Variants in TEX2 observed in about 807,000 individuals in gnomAD.
The protein encoded by TEX2 is testis expressed 2, also known as testis-expressed protein 2.
Under a neutral mutation model 106.9 loss-of-function variants are expected in TEX2, and 53 were observed. The observed-to-expected ratio is 0.50, with a 90% CI of 0.40 to 0.62. The LOEUF (loss-of-function observed/expected upper bound fraction) is 0.62. Ranked by LOEUF, TEX2 falls within the 20% of genes least tolerant of loss-of-function variation. TEX2 has a pLI of 0.00. For missense variants in TEX2, 1,207 were observed against 1,379.0 expected, an observed-to-expected ratio of 0.88 and a Z score of 1.98; for synonymous variants, 523 against 534.8, an observed-to-expected ratio of 0.98 and a Z score of 0.30.
At chr17:64,206,876 A>T (rs138594585) in intron 2 of TEX2, among the ~76,000 whole-genome samples, 106 of 152,034 alleles carry the variant, frequency 7.0e-4, no homozygotes, top group African/African-American at 2.5e-3. Flanking sequence ...TTTTTTACTT[A>T]TATTCTAGAC....
Position 64,201,311 on chromosome 17 carries a change from C to T in TEX2, c.1645-6216G>A, listed in dbSNP as rs112262408. 2.0e-3 allele frequency among the ~76,000 whole-genome samples: 312 copies of T among 152,284 alleles called. 1 individual carries two copies. The highest frequency in any genetic ancestry group is 7.3e-3 in the African/African-American group (302 of 41,548). ...ATGCCTCCCTGGCCCCTACACCTCA[C>T]CCTCTGTTCAAGCCATAGTGATTTT... On this transcript the variant is annotated intron_variant, in intron 2 of 11. Coordinates refer to ENST00000584379, the MANE Select transcript of TEX2 (RefSeq NM_001288732.2).
At chr17:64,199,409 G>A (rs568851182) in intron 2 of TEX2, among the ~76,000 whole-genome samples, 4 of 152,008 alleles carry the variant, frequency 2.6e-5, no homozygotes, top group South Asian at 2.1e-4. Flanking sequence ...GCTAATTTTC[G>A]TATTTTTAGT....
At chr17:64,155,219 G>A (rs536493850) in intron 8 of TEX2, 6 of 372,440 alleles carry the variant, frequency 1.6e-5, no homozygotes, top group African/African-American at 1.2e-4. Context: ...CTTGGACCCA[G>A]AAGAGGTTGC....
In TEX2 at chr17:64,213,089, T is replaced by C; in HGVS notation, c.1129A>G (p.Thr377Ala). The change falls in exon 2 of 12, where the codon ACA becomes GCA. Residue 377 changes from threonine to alanine, a missense_variant. By Grantham distance (58) the Thr-to-Ala change is moderately conservative. Transcript: ENST00000584379. The surrounding 1 kb of genome is among the most constrained non-coding windows in gnomAD (Gnocchi z 4.4). ...GAACTTTTCAGTTCTATCTCTCTTG[T>C]GGGCTCACCAGTGGACTTTGGGTGG... ...SDHPKSTGEPTREIELKSSQG... is the reference protein window; with the variant it reads ...SDHPKSTGEPAREIELKSSQG... 2 of 1,614,218 alleles carry C rather than the reference T, an allele frequency of 1.2e-6. No individual in the cohort carries two copies. The highest frequency in any genetic ancestry group is 1.1e-5 in the South Asian group (1 of 91,082).
chr17:64,239,904 A>AAAAAAAG lies in TEX2; in HGVS notation c.-26+23263_-26+23264insCTTTTTT, dbSNP rs781859721. Among the ~76,000 whole-genome samples, 23 of 118,848 alleles carry AAAAAAAG rather than the reference A, an allele frequency of 1.9e-4. 2 individuals carry two copies. Among genetic ancestry groups the AAAAAAAG allele is most frequent in the African/African-American group, 4.2e-4 (13 of 31,224 alleles). The allele number at this position is 118,848 out of a possible 152,430, so 78.0% of individuals were successfully genotyped here. The stretch of plus-strand genomic sequence containing the variant: ...AAAAAAAAAAAAAAAAAAAAAAAAA[A>AAAAAAAG]GCAGAGAAGATAAGAGAAGAGAAAT... On this transcript the variant is annotated intron_variant, in intron 1 of 11. Coordinates refer to ENST00000584379, the MANE Select transcript of TEX2 (RefSeq NM_001288732.2).
At chr17:64,235,463 C>CATCATG (rs1248059977) in intron 1 of TEX2, among the ~76,000 whole-genome samples, 1 of 152,210 alleles carries the variant, frequency 6.6e-6, no homozygotes, top group African/African-American at 2.4e-5. Flanking sequence ...ACCCTATCTA[C>CATCATG]CCAGGGGGAA....
intron 1 of TEX2, among the ~76,000 whole-genome samples, chr17:64,262,544 G>A (rs1332633807): frequency 6.6e-6 from 1 of 152,188 alleles, no homozygotes; most frequent in Non-Finnish European, 1.5e-5. Context: ...CAGCGACGGC[G>A]TCCACGGCCA....
chr17:64,177,818 G>T (rs1387696240), intron 5 of TEX2, among the ~76,000 whole-genome samples: 1 of 152,178 alleles, frequency 6.6e-6, no homozygotes, highest in African/African-American at 2.4e-5. Flanking sequence ...TAAAATGCCT[G>T]CCCATCTTTC....
intron 10 of TEX2, among the ~76,000 whole-genome samples, chr17:64,152,154 T>C (rs1205114686): frequency 3.9e-5 from 6 of 152,186 alleles, no homozygotes; most frequent in Admixed American, 6.5e-5. Flanking sequence ...TTGTTATGAG[T>C]GTAGTTTATG....
chr17:64,149,967 A>T (rs2030269751), intron 11 of TEX2: 1 of 151,580 alleles, frequency 6.6e-6, no homozygotes, highest in African/African-American at 2.4e-5. Flanking sequence ...AAAAGGCATG[A>T]TGTTCTTTCC....
chr17:64,245,293 C>A (rs1008233544), intron 1 of TEX2, among the ~76,000 whole-genome samples: 5 of 152,118 alleles, frequency 3.3e-5, no homozygotes, highest in Non-Finnish European at 5.9e-5. Context: ...AGAAAATATA[C>A]CATTGTGAAA....
intron 6 of TEX2, among the ~76,000 whole-genome samples, 165 bp downstream of exon 6, chr17:64,177,160 T>C (rs903454521): frequency 3.3e-5 from 5 of 152,212 alleles, no homozygotes; most frequent in African/African-American, 9.7e-5. Flanking sequence ...CAATTAATCA[T>C]AAGGTCAGTC....
Position 64,214,053 on chromosome 17 carries a change from G to A in TEX2, c.165C>T (p.Tyr55=), listed in dbSNP as rs1378520243. 3 of 1,614,022 alleles carry A rather than the reference G, an allele frequency of 1.9e-6. No homozygotes were observed. The highest frequency in any genetic ancestry group is 2.5e-6 in the Non-Finnish European group (3 of 1,180,012). Residue 55 remains tyrosine, a synonymous_variant, in exon 2 of 12, where the codon TAC becomes TAT. Transcript: ENST00000584379. ...EEEEEEEFRE[Y]FEEGLDDQSI... is the part of the protein sequence containing the mutation. ...TTTGGTCATCCAGCCCCTCCTCAAA[G>A]TACTCCCTGAACTCCTCCTCCTCTT... is the stretch of plus-strand genomic sequence containing the variant.
At chr17:64,156,660 G>A (rs950943874) in intron 8 of TEX2, among the ~76,000 whole-genome samples, 2 of 152,198 alleles carry the variant, frequency 1.3e-5, no homozygotes, top group Non-Finnish European at 1.5e-5. Flanking sequence ...AAGATCACAC[G>A]CCCCTCTCAG....
Position 64,154,892 on chromosome 17 carries a change from A to G in TEX2, c.2880T>C (p.Asp960=). The G allele has an allele frequency of 6.2e-7, 1 of 1,609,492 alleles. No individual in the cohort carries two copies. The highest frequency in any genetic ancestry group is 8.5e-7 in the Non-Finnish European group (1 of 1,178,526). ...SSSAGSSEED[D]APEPSGGDKQ... is the part of the protein sequence containing the mutation. The stretch of plus-strand genomic sequence containing the variant: ...TGTCTCCCCCGCTGGGCTCTGGGGC[A>G]TCGTCTTCCTCGGAGGAGCCAGCGC... Residue 960 remains aspartate (D), a synonymous_variant, in exon 9 of 12, where the codon GAT becomes GAC. Transcript: ENST00000584379.
intron 5 of TEX2, among the ~76,000 whole-genome samples, chr17:64,181,472 CAAAAAAAAA>C (rs759988777): frequency 1.2e-4 from 3 of 25,390 alleles, no homozygotes; most frequent in Non-Finnish European, 2.0e-4. Context: ...AAGGCTATCT[CAAAAAAAAA>C]AAAAAAAAAA....
At chr17:64,212,507 G>T in intron 2 of TEX2, 67 bp downstream of exon 2, 1 of 1,425,298 alleles carries the variant, frequency 7.0e-7, no homozygotes, top group Non-Finnish European at 9.6e-7. Flanking sequence ...CAAAAAACAA[G>T]TCAGATCTAA....
Position 64,212,618 on chromosome 17 carries a change from A to C in TEX2, c.1600T>G (p.Trp534Gly), listed in dbSNP as rs375219525. 1 of 1,614,158 alleles carries C rather than the reference A, an allele frequency of 6.2e-7. No homozygotes were observed. The highest frequency in any genetic ancestry group is 8.5e-7 in the Non-Finnish European group (1 of 1,180,016). ...YHKLHKNLRHWNTRSLDIKEP... is the reference protein window; with the variant it reads ...YHKLHKNLRHGNTRSLDIKEP... ...TTGATATCCAGAGATCTTGTGTTCC[A>C]GTGTCGCAGATTTTTGTGTAACTTG... Residue 534 changes from tryptophan to glycine, a missense_variant, in exon 2 of 12, where the codon TGG becomes GGG. Trp to Gly is a radical substitution (Grantham distance 184). Coordinates refer to ENST00000584379, the MANE Select transcript of TEX2 (RefSeq NM_001288732.2).
chr17:64,250,101 C>T (rs1598228597), intron 1 of TEX2, among the ~76,000 whole-genome samples: 1 of 152,356 alleles, frequency 6.6e-6, no homozygotes, highest in Admixed American at 6.5e-5. Context: ...TCCTGCCAGG[C>T]TTCCTACAGC....
Sources: gnomAD v4.1 joint callset for allele counts (sites outside exome capture counted in the v4.1 genomes callset) on GRCh38, gnomAD v4.1.1 for gene constraint, Gnocchi (gnomAD v3.1) non-coding constraint, MANE v1.5 for transcripts, NCBI Gene and HGNC (gene_info 2026-07-23, HGNC 2026-07-21) for gene names.